Variants in SLC24A3 observed in about 807,000 individuals in gnomAD.
SLC24A3 encodes solute carrier family 24 member 3, also known as sodium/potassium/calcium exchanger 3.
SLC24A3 carries 28 observed loss-of-function variants against 75.8 expected under a neutral mutation model. The ratio of observed to expected loss-of-function variants is 0.37; its 90% CI spans 0.27 to 0.51. SLC24A3 has a LOEUF of 0.51. Ranked by LOEUF, SLC24A3 falls within the 20% of genes least tolerant of loss-of-function variation. The probability of loss-of-function intolerance (pLI) is 0.94; values close to 1 mark genes in which losing one functional copy is unlikely to be tolerated. For synonymous variants in SLC24A3, 372 were observed against 334.1 expected (o/e 1.11, Z -1.24); for missense variants, 663 against 847.8 (o/e 0.78, Z 2.71).
At chr20:19,544,629 G>C (rs2030557480) in intron 3 of SLC24A3, among the ~76,000 whole-genome samples, 1 of 151,778 alleles carries the variant, frequency 6.6e-6, no homozygotes, top group Non-Finnish European at 1.5e-5. Context: ...TTTTAGCAAA[G>C]CACAATAAGA....
intron 2 of SLC24A3, among the ~76,000 whole-genome samples, chr20:19,473,485 C>T (rs979647133): frequency 6.6e-6 from 1 of 152,232 alleles, no homozygotes; most frequent in Non-Finnish European, 1.5e-5. Flanking sequence ...CCGCCTTGAG[C>T]ACTTACTGGA....
intron 2 of SLC24A3, among the ~76,000 whole-genome samples, chr20:19,329,748 T>C (rs771715178): frequency 1.3e-5 from 2 of 152,188 alleles, no homozygotes; most frequent in African/African-American, 2.4e-5. Flanking sequence ...GCTAAGTGAC[T>C]CAGGTGAGTT....
intron 2 of SLC24A3, among the ~76,000 whole-genome samples, chr20:19,463,739 C>T (rs1274350495): frequency 1.3e-5 from 2 of 152,184 alleles, no homozygotes; most frequent in East Asian, 3.9e-4. Context: ...GAAAACCTGA[C>T]TTGCGGAGGT....
At chr20:19,551,514 C>A (rs1015538284) in intron 3 of SLC24A3, among the ~76,000 whole-genome samples, 1 of 152,174 alleles carries the variant, frequency 6.6e-6, no homozygotes, top group Non-Finnish European at 1.5e-5. Flanking sequence ...CATTCTATAA[C>A]CTTCCATTGT....
At chr20:19,629,881 C>A (rs1398293887) in intron 6 of SLC24A3, among the ~76,000 whole-genome samples, 1 of 152,064 alleles carries the variant, frequency 6.6e-6, no homozygotes, top group Non-Finnish European at 1.5e-5. Flanking sequence ...CTAGGCCTGC[C>A]CTACAAGAAA....
At chr20:19,411,833 C>T (rs1033491175) in intron 2 of SLC24A3, among the ~76,000 whole-genome samples, 1 of 152,142 alleles carries the variant, frequency 6.6e-6, no homozygotes, top group African/African-American at 2.4e-5. Context: ...ACTGAATTTC[C>T]CTTGACACTG....
chr20:19,412,513 TGAG>T (rs917739089), intron 2 of SLC24A3, among the ~76,000 whole-genome samples: 2 of 139,514 alleles, frequency 1.4e-5, no homozygotes, highest in Non-Finnish European at 3.1e-5. Flanking sequence ...AAGAGGGAGA[TGAG>T]GAAGCAGGAG....
chr20:19,487,585 A>G (rs1453851739), intron 2 of SLC24A3, among the ~76,000 whole-genome samples: 2 of 152,184 alleles, frequency 1.3e-5, no homozygotes, highest in African/African-American at 4.8e-5. Context: ...TATTTGGTGG[A>G]CCCAAAGCTC....
intron 6 of SLC24A3, among the ~76,000 whole-genome samples, chr20:19,619,602 A>G (rs2031778872): frequency 6.6e-6 from 1 of 152,208 alleles, no homozygotes; most frequent in Non-Finnish European, 1.5e-5. Context: ...AGATACATAG[A>G]TAAAATCCAG....
intron 3 of SLC24A3, among the ~76,000 whole-genome samples, chr20:19,572,665 C>T (rs2031071913): frequency 6.6e-6 from 1 of 152,178 alleles, no homozygotes; most frequent in Non-Finnish European, 1.5e-5. Flanking sequence ...GCACCAGCAG[C>T]CTTCTGCTAC....
At chr20:19,692,750 C>G (rs1372785472) in intron 12 of SLC24A3, among the ~76,000 whole-genome samples, 1 of 152,102 alleles carries the variant, frequency 6.6e-6, no homozygotes, top group Non-Finnish European at 1.5e-5. Context: ...CCTTCAAATC[C>G]TCTTTGAAGA....
intron 6 of SLC24A3, among the ~76,000 whole-genome samples, chr20:19,586,382 A>C (rs1368199163): frequency 6.6e-6 from 1 of 152,222 alleles, no homozygotes; most frequent in Non-Finnish European, 1.5e-5. Context: ...CACTTCTAAA[A>C]GCTCATGGAG....
chr20:19,587,400 T>C (rs1683275286), intron 6 of SLC24A3, among the ~76,000 whole-genome samples: 1 of 152,172 alleles, frequency 6.6e-6, no homozygotes. Flanking sequence ...CTCCAAAAAA[T>C]GCTGGTGTCT....
intron 2 of SLC24A3, among the ~76,000 whole-genome samples, chr20:19,326,662 C>T (rs544558205): frequency 4.2e-4 from 63 of 151,462 alleles, no homozygotes; most frequent in South Asian, 8.4e-4. Flanking sequence ...ACTGCAGCCT[C>T]GACCTTCCAG....
intron 2 of SLC24A3, among the ~76,000 whole-genome samples, chr20:19,311,086 C>T (rs2122260856): frequency 6.7e-6 from 1 of 150,054 alleles, no homozygotes; most frequent in Middle Eastern, 3.4e-3. Flanking sequence ...CCTTCCTTGC[C>T]TTCCCTTCAT....
chr20:19,280,921 CTG>C, intron 1 of SLC24A3, 36 bp from the exon 2 acceptor site: 1 of 1,605,950 alleles, frequency 6.2e-7, no homozygotes, highest in Non-Finnish European at 8.5e-7. Flanking sequence ...TGAAACCCAG[CTG>C]TGAATGATGT....
chr20:19,684,026 A>G (rs1568697035), intron 10 of SLC24A3, 150 bp from the exon 11 acceptor site: 24 of 826,390 alleles, frequency 2.9e-5, no homozygotes, highest in Non-Finnish European at 3.3e-5. Flanking sequence ...GAAATAAGGA[A>G]AGAAGAGTGG....
intron 2 of SLC24A3, among the ~76,000 whole-genome samples, chr20:19,293,650 C>T (rs565942814): frequency 7.6e-6 from 1 of 131,920 alleles, no homozygotes; most frequent in African/African-American, 3.1e-5. Flanking sequence ...AACAAAACTT[C>T]GTCTCAAAAA....
chr20:19,506,494 A>G (rs1988464269), intron 2 of SLC24A3, among the ~76,000 whole-genome samples: 2 of 152,242 alleles, frequency 1.3e-5, no homozygotes, highest in Non-Finnish European at 2.9e-5. Flanking sequence ...TCAACATATT[A>G]GAAAGTTGGA....
Sources: gnomAD v4.1 joint callset for allele counts (sites outside exome capture counted in the v4.1 genomes callset) on GRCh38, gnomAD v4.1.1 for gene constraint, MANE v1.5 for transcripts, NCBI Gene and HGNC (gene_info 2026-07-23, HGNC 2026-07-21) for gene names.